RBFOX1: variants seen among roughly 807,000 people sequenced by gnomAD.
RBFOX1 encodes the protein RNA binding protein fox-1 homolog 1.
A neutral mutation model predicts 57.7 loss-of-function variants in RBFOX1; 8 were observed. That is an observed-to-expected ratio of 0.14 (90% CI 0.08 to 0.25). RBFOX1 has a LOEUF of 0.25. RBFOX1 is among the 10% of genes least tolerant of loss of function. RBFOX1 has a pLI of 1.00. For synonymous variants in RBFOX1, 326 were observed against 222.4 expected (o/e 1.47, Z -4.15); for missense variants, 611 against 548.5 (o/e 1.11, Z -1.14).
chr16:5,855,976 C>CTTTTTTTTTTTT (rs1160702604), intron 3 of RBFOX1, among the ~76,000 whole-genome samples: 6 of 77,688 alleles, frequency 7.7e-5, no homozygotes, highest in Admixed American at 1.3e-4. Context: ...GTATGTTATT[C>CTTTTTTTTTTTT]TTTTTTTTTT....
intron 2 of RBFOX1, among the ~76,000 whole-genome samples, chr16:6,412,603 T>C (rs955291339): frequency 1.3e-5 from 2 of 152,230 alleles, no homozygotes; most frequent in Non-Finnish European, 2.9e-5. Context: ...ACATTTTACA[T>C]TGAGGCAGCA....
At chr16:6,828,617 C>T (rs1183692633) in intron 3 of RBFOX1, among the ~76,000 whole-genome samples, 1 of 151,862 alleles carries the variant, frequency 6.6e-6, no homozygotes, top group African/African-American at 2.4e-5. Flanking sequence ...CTGGCTAAGA[C>T]CAAGTGGACC....
At chr16:6,081,046 G>C (rs2095993581) in intron 1 of RBFOX1, among the ~76,000 whole-genome samples, 1 of 152,216 alleles carries the variant, frequency 6.6e-6, no homozygotes, top group Non-Finnish European at 1.5e-5. Flanking sequence ...AGTCATGTGA[G>C]GTTGATTGGT....
intron 4 of RBFOX1, among the ~76,000 whole-genome samples, chr16:7,146,417 C>A (rs527513668): frequency 1.3e-5 from 2 of 152,298 alleles, no homozygotes; most frequent in South Asian, 4.1e-4. Context: ...GAACCCCTCG[C>A]CTACCCAGCA....
chr16:6,897,064 C>A (rs560210827), intron 3 of RBFOX1, among the ~76,000 whole-genome samples: 2 of 152,274 alleles, frequency 1.3e-5, no homozygotes, highest in East Asian at 3.9e-4. Context: ...TTCCTGAATG[C>A]TGGCAGCACC....
intron 3 of RBFOX1, among the ~76,000 whole-genome samples, chr16:6,738,283 T>G (rs988807145): frequency 6.6e-6 from 1 of 151,860 alleles, no homozygotes; most frequent in African/African-American, 2.4e-5. Context: ...GCTTACTGCT[T>G]TAAGAGTTTC....
At chr16:6,443,484 C>G (rs1054803334) in intron 2 of RBFOX1, among the ~76,000 whole-genome samples, 1 of 152,284 alleles carries the variant, frequency 6.6e-6, no homozygotes, top group East Asian at 1.9e-4. Context: ...CAGAAACTCT[C>G]TAGTACACAA....
chr16:5,447,126 C>T (rs375979125), intron 1 of RBFOX1, among the ~76,000 whole-genome samples: 9 of 152,230 alleles, frequency 5.9e-5, no homozygotes, highest in Non-Finnish European at 8.8e-5. Context: ...CTGGTCTCTG[C>T]GTCCAGTAGT....
chr16:6,174,537 G>T (rs191546099), intron 1 of RBFOX1, among the ~76,000 whole-genome samples: 14 of 152,284 alleles, frequency 9.2e-5, no homozygotes, highest in African/African-American at 2.2e-4. Flanking sequence ...GGAGGCTTCA[G>T]TGAGCTGTGA....
At chr16:7,538,957 A>T (rs1330227889) in intron 5 of RBFOX1, among the ~76,000 whole-genome samples, 1 of 150,720 alleles carries the variant, frequency 6.6e-6, no homozygotes, top group Non-Finnish European at 1.5e-5. Flanking sequence ...TCATCTTGGC[A>T]TGTACACACT....
At chr16:7,639,699 C>T (rs1427679468) in intron 11 of RBFOX1, among the ~76,000 whole-genome samples, 1 of 152,068 alleles carries the variant, frequency 6.6e-6, no homozygotes, top group Non-Finnish European at 1.5e-5. Context: ...GTTAGCACTG[C>T]CATTGGGGTG....
At chr16:5,322,360 G>A (rs1177146607) in intron 1 of RBFOX1, among the ~76,000 whole-genome samples, 1 of 152,144 alleles carries the variant, frequency 6.6e-6, no homozygotes, top group Non-Finnish European at 1.5e-5. Context: ...AGATGTTCTA[G>A]GAACTGGCTT....
intron 2 of RBFOX1, among the ~76,000 whole-genome samples, chr16:6,446,909 A>G (rs1013597920): frequency 6.6e-6 from 1 of 152,130 alleles, no homozygotes; most frequent in Admixed American, 6.5e-5. Flanking sequence ...ACCATTGCCA[A>G]ACTGGTAGGT....
chr16:5,875,994 A>G (rs546653495), intron 4 of RBFOX1, among the ~76,000 whole-genome samples: 1 of 151,922 alleles, frequency 6.6e-6, no homozygotes, highest in Non-Finnish European at 1.5e-5. Flanking sequence ...CAGGCCCCCG[A>G]CAGCACACCC....
chr16:7,148,179 C>T (rs1201170189), intron 4 of RBFOX1, among the ~76,000 whole-genome samples: 1 of 152,152 alleles, frequency 6.6e-6, no homozygotes, highest in Non-Finnish European at 1.5e-5. Context: ...AGGATTTACA[C>T]CAAATACTGC....
rs953096127 is a variant in RBFOX1, at chr16:6,261,731, T to C, written c.-126-55264T>C. 2.6e-5 allele frequency among the ~76,000 whole-genome samples: 4 copies of C among 152,090 alleles called. 1 individual carries two copies. The highest frequency in any genetic ancestry group is 9.7e-5 in the African/African-American group (4 of 41,396). On this transcript the variant is annotated intron_variant, in intron 1 of 15. Coordinates refer to ENST00000550418, the MANE Select transcript of RBFOX1 (RefSeq NM_018723.4). The stretch of plus-strand genomic sequence containing the variant: ...CTTTCTTCAGTCCAGGCATGGTGGC[T>C]TAGCTTCTAATCCCAGCACTTTGGG...
At chr16:5,493,558 G>T (rs892490919) in intron 2 of RBFOX1, among the ~76,000 whole-genome samples, 1 of 152,206 alleles carries the variant, frequency 6.6e-6, no homozygotes, top group African/African-American at 2.4e-5. Flanking sequence ...GTTTACCCTG[G>T]TGCTGATTGA....
intron 4 of RBFOX1, among the ~76,000 whole-genome samples, chr16:7,350,641 G>A (rs996425488): frequency 2.4e-4 from 36 of 152,204 alleles, no homozygotes; most frequent in Admixed American, 3.9e-4. Flanking sequence ...TACTGGTGAA[G>A]ACGACCAGTA....
intron 9 of RBFOX1, among the ~76,000 whole-genome samples, chr16:7,606,356 C>T (rs927308354): frequency 4.0e-5 from 6 of 150,876 alleles, no homozygotes; most frequent in African/African-American, 1.2e-4. Context: ...CTCCTGACCT[C>T]GTGATCTCCC....
Sources: allele counts gnomAD v4.1 joint callset (sites outside exome capture counted in the v4.1 genomes callset), GRCh38; gene constraint gnomAD v4.1.1; transcripts MANE v1.5; gene names NCBI Gene and HGNC (gene_info 2026-07-23, HGNC 2026-07-21).